The following PTK2B variants were observed in gnomAD, a reference collection of about 807,000 sequenced individuals.
The protein encoded by PTK2B is protein-tyrosine kinase 2-beta.
Under a neutral mutation model 142.9 loss-of-function variants are expected in PTK2B, and 71 were observed. That is an observed-to-expected ratio of 0.50 (90% confidence interval 0.41 to 0.61). PTK2B has a LOEUF of 0.61. Among genes scored for constraint, PTK2B ranks in the 20% least tolerant of loss-of-function variants. The probability of loss-of-function intolerance (pLI) is 0.00; values close to 1 mark genes in which losing one functional copy is unlikely to be tolerated. For synonymous variants in PTK2B, 519 were observed against 503.4 expected, an observed-to-expected ratio of 1.03 and a Z score of -0.42; for missense variants, 1,105 against 1,320.4, an observed-to-expected ratio of 0.84 and a Z score of 2.53.
chr8:27,450,751 G>GCC lies in PTK2B; in HGVS notation c.2343_2344insCC (p.Glu782ProfsTer55). The GCC allele has an allele frequency of 6.2e-7, 1 of 1,614,212 alleles. No individual in the cohort carries two copies. On this transcript the variant is annotated frameshift_variant, in exon 25 of 31. Transcript: ENST00000346049. LOFTEE classifies it high-confidence loss of function. ...CCTTCTCTCTGCCGTCCTCCCAGGAGGAGGACTTCATCCAACCCAGCAGCC... is the reference window on the plus strand; with the variant it reads ...CCTTCTCTCTGCCGTCCTCCCAGGAGCCGAGGACTTCATCCAACCCAGCAGCC...
chr8:27,450,307 G>A (rs1811721587), intron 24 of PTK2B, among the ~76,000 whole-genome samples: 1 of 152,122 alleles, frequency 6.6e-6, no homozygotes, highest in Admixed American at 6.5e-5. Context: ...AGGGTGTGAT[G>A]CTCTCCAACT....
chr8:27,453,744 A>G (rs1458538756), intron 28 of PTK2B, among the ~76,000 whole-genome samples: 2 of 152,036 alleles, frequency 1.3e-5, no homozygotes, highest in African/African-American at 4.8e-5. Context: ...GATTAGCTGG[A>G]CTTGGTGGCA....
chr8:27,446,516 A>G (rs976291172), intron 24 of PTK2B, among the ~76,000 whole-genome samples: 1 of 152,142 alleles, frequency 6.6e-6, no homozygotes, highest in Non-Finnish European at 1.5e-5. Flanking sequence ...GGAGTGCTTC[A>G]TGGCTGGCTT....
chr8:27,451,662 C>T (rs1232433424), intron 27 of PTK2B, 153 bp downstream of exon 27: 2 of 1,493,158 alleles, frequency 1.3e-6, no homozygotes, highest in Non-Finnish European at 9.0e-7. Context: ...TGGGGCAGGC[C>T]AGCTTCCCCT....
chr8:27,383,345 A>G (rs1393632541), intron 1 of PTK2B, among the ~76,000 whole-genome samples: 4 of 151,962 alleles, frequency 2.6e-5, no homozygotes, highest in Non-Finnish European at 1.5e-5. Flanking sequence ...CTCCTGGTTC[A>G]AGCAATTCTC....
rs753427309 is a variant in PTK2B at position 27,440,481 on chromosome 8, G to T, written c.2039+40G>T. On this transcript the variant is annotated intron_variant, in intron 21 of 30. Coordinates refer to ENST00000346049, the MANE Select transcript of PTK2B (RefSeq NM_173176.3). The stretch of plus-strand genomic sequence containing the variant: ...TGGGCTGTGGGCTGGGGGCCCACCC[G>T]GCTGCACCAGGGAGCAAGACCAGCA... 4 of 1,591,452 alleles carry T rather than the reference G, an allele frequency of 2.5e-6. No individual in the cohort carries two copies. In the East Asian group the frequency reaches 8.9e-5, roughly 36 times the overall value.
intron 2 of PTK2B, among the ~76,000 whole-genome samples, chr8:27,410,986 G>C (rs1809023763): frequency 6.6e-6 from 1 of 152,250 alleles, no homozygotes; most frequent in African/African-American, 2.4e-5. Flanking sequence ...CAGTCGGAGA[G>C]CCTGGAAGCC....
intron 2 of PTK2B, among the ~76,000 whole-genome samples, chr8:27,419,396 G>A (rs150225593): frequency 4.9e-4 from 75 of 152,272 alleles, no homozygotes; most frequent in African/African-American, 1.5e-3. Flanking sequence ...GTTCCATTCC[G>A]TGGGTTGTGG....
chr8:27,315,783 G>T (rs749516125), intron 3 of PTK2B, among the ~76,000 whole-genome samples: 37 of 152,162 alleles, frequency 2.4e-4, no homozygotes, highest in Admixed American at 3.9e-4. Context: ...CTTAGTTCTA[G>T]TCCAAGCTCT....
At chr8:27,394,826 T>G (rs762075419) in intron 1 of PTK2B, among the ~76,000 whole-genome samples, 3 of 152,168 alleles carry the variant, frequency 2.0e-5, no homozygotes, top group Non-Finnish European at 2.9e-5. Flanking sequence ...CTAAAGATTT[T>G]TATTTTTTAT....
chr8:27,406,401 G>A (rs1225754340), intron 2 of PTK2B, among the ~76,000 whole-genome samples: 1 of 152,128 alleles, frequency 6.6e-6, no homozygotes, highest in African/African-American at 2.4e-5. Flanking sequence ...TCAGATCATA[G>A]TATCTGTCAC....
intron 1 of PTK2B, among the ~76,000 whole-genome samples, chr8:27,388,705 A>G (rs1807523747): frequency 6.6e-6 from 1 of 152,196 alleles, no homozygotes; most frequent in South Asian, 2.1e-4. Flanking sequence ...ATCAGCCACA[A>G]TGAAAGTATT....
At chr8:27,315,511 C>T (rs887546309) in intron 3 of PTK2B, among the ~76,000 whole-genome samples, 15 of 152,120 alleles carry the variant, frequency 9.9e-5, no homozygotes, top group Non-Finnish European at 1.9e-4. Flanking sequence ...ACTCTTACGT[C>T]GTCTCATTCT....
intron 1 of PTK2B, among the ~76,000 whole-genome samples, chr8:27,379,305 A>G (rs1806869428): frequency 6.6e-6 from 1 of 152,208 alleles, no homozygotes; most frequent in Admixed American, 6.5e-5. Context: ...GCAATGGCAC[A>G]GTCATAGCTC....
At chr8:27,383,454 C>T (rs1484812328) in intron 1 of PTK2B, among the ~76,000 whole-genome samples, 1 of 152,094 alleles carries the variant, frequency 6.6e-6, no homozygotes, top group Non-Finnish European at 1.5e-5. Context: ...CCACGTTGGC[C>T]AGGCTGGTCT....
intron 2 of PTK2B, among the ~76,000 whole-genome samples, chr8:27,403,667 GA>G (rs1443848349): frequency 6.6e-6 from 1 of 152,108 alleles, no homozygotes; most frequent in Non-Finnish European, 1.5e-5. Flanking sequence ...GCTTGTCTGG[GA>G]AAAGGGGTAA....
Position 27,450,645 on chromosome 8 carries a change from G to A in PTK2B, c.2341-104G>A. The A allele has an allele frequency of 2.8e-6, 4 of 1,432,916 alleles. No homozygotes were observed. The South Asian group carries it at 5.1e-5, about 18-fold the overall frequency. 88.8% of individuals were successfully genotyped at this position (1,432,916 alleles called of 1,614,324 possible). A position where few individuals can be genotyped will look rare whatever the true frequency, so the allele number is the denominator to read the frequency against. ...TTATGAGAAAAAAGCAGCTGGCCAGGCCAAGGCTTGCAGCTGCCATGAGGT... is the reference window on the plus strand; with the variant it reads ...TTATGAGAAAAAAGCAGCTGGCCAGACCAAGGCTTGCAGCTGCCATGAGGT... On this transcript the variant is annotated intron_variant, in intron 24 of 30. Coordinates refer to ENST00000346049, the MANE Select transcript of PTK2B (RefSeq NM_173176.3).
intron 2 of PTK2B, among the ~76,000 whole-genome samples, chr8:27,413,486 T>C (rs1342000075): frequency 1.3e-5 from 2 of 152,104 alleles, no homozygotes; most frequent in East Asian, 1.9e-4. Flanking sequence ...TCCAAAAGAG[T>C]ACAGGCCTTT....
intron 1 of PTK2B, among the ~76,000 whole-genome samples, chr8:27,370,137 G>T (rs575047324): frequency 6.6e-6 from 1 of 152,194 alleles, no homozygotes; most frequent in Non-Finnish European, 1.5e-5. Flanking sequence ...AGTTTTCCTC[G>T]TACCTGGCTA....
Sources: allele counts gnomAD v4.1 joint callset (sites outside exome capture counted in the v4.1 genomes callset), GRCh38; gene constraint gnomAD v4.1.1; transcripts MANE v1.5; gene names NCBI Gene and HGNC (gene_info 2026-07-23, HGNC 2026-07-21).